AFF3: variants seen among roughly 807,000 people sequenced by gnomAD.
AFF3 encodes AF4/FMR2 family member 3.
AFF3 carries 32 observed loss-of-function variants against 129.7 expected under a neutral mutation model. That is an observed-to-expected ratio of 0.25 (90% CI 0.19 to 0.33). The LOEUF (loss-of-function observed/expected upper bound fraction) is 0.33. Ranked by LOEUF, AFF3 falls within the 10% of genes least tolerant of loss-of-function variation. AFF3 has a pLI of 1.00. For synonymous variants in AFF3, 644 were observed against 635.4 expected, an observed-to-expected ratio of 1.01 and a Z score of -0.20; for missense variants, 1,373 against 1,592.0, an observed-to-expected ratio of 0.86 and a Z score of 2.34.
chr2:99,781,354 A>T lies in AFF3; in HGVS notation c.922-29053T>A, dbSNP rs74685103. On this transcript the variant is annotated intron_variant, in intron 8 of 24. Transcript: ENST00000672756. ...TTCTTCTTAGCACTTATCACTGCCT[A>T]CCATTTATATATTTATTGGTTTATC... Among the ~76,000 whole-genome samples, 323 of 152,268 alleles carry T rather than the reference A, an allele frequency of 2.1e-3. 4 individuals are homozygous for T. In the East Asian group the frequency reaches 0.032, roughly 15 times the overall value.
chr2:99,789,125 G>A (rs569669959), intron 8 of AFF3, among the ~76,000 whole-genome samples: 4 of 152,244 alleles, frequency 2.6e-5, no homozygotes, highest in African/African-American at 9.6e-5. Flanking sequence ...TTCATACAAA[G>A]CTTGGCATTC....
At chr2:99,657,250 A>G (rs6725598) in intron 12 of AFF3, among the ~76,000 whole-genome samples, 9,060 of 152,186 alleles carry the variant, frequency 0.06, 885 homozygotes, top group African/African-American at 0.21. Flanking sequence ...CTCTCTGTCT[A>G]TCAGCTCCTC....
chr2:99,577,597 C>A (rs1034931983), intron 18 of AFF3, among the ~76,000 whole-genome samples: 1 of 152,208 alleles, frequency 6.6e-6, no homozygotes, highest in Non-Finnish European at 1.5e-5. Flanking sequence ...ATGTATTTGA[C>A]GCCCGTAGGA....
At chr2:100,037,540 ATATT>A (rs1174222206) in intron 4 of AFF3, among the ~76,000 whole-genome samples, 13 of 120 alleles carry the variant, frequency 0.11, no homozygotes, top group African/African-American at 0.21. Flanking sequence ...ATATAAATAT[ATATT>A]TATATTTTAT....
At chr2:99,927,378 C>T (rs1696326219) in intron 7 of AFF3, among the ~76,000 whole-genome samples, 1 of 152,126 alleles carries the variant, frequency 6.6e-6, no homozygotes, top group African/African-American at 2.4e-5. Flanking sequence ...ACATATACAC[C>T]ATGGGATACT....
At chr2:99,737,809 C>T (rs1680382278) in intron 10 of AFF3, among the ~76,000 whole-genome samples, 1 of 151,826 alleles carries the variant, frequency 6.6e-6, no homozygotes, top group Non-Finnish European at 1.5e-5. Context: ...ACTTTATCTC[C>T]ATGTCTCTTA....
chr2:99,579,965 A>C (rs1677371542), intron 17 of AFF3, among the ~76,000 whole-genome samples: 1 of 151,940 alleles, frequency 6.6e-6, no homozygotes, highest in Non-Finnish European at 1.5e-5. Flanking sequence ...TAGCACTGTA[A>C]GGGTTAGAGT....
At chr2:99,891,516 C>T (rs1428746106) in intron 7 of AFF3, among the ~76,000 whole-genome samples, 5 of 152,174 alleles carry the variant, frequency 3.3e-5, no homozygotes, top group Admixed American at 6.5e-5. Flanking sequence ...CTGCCCAGCC[C>T]GGCAGGATGC....
At chr2:99,922,647 C>T (rs1308844703) in intron 7 of AFF3, among the ~76,000 whole-genome samples, 1 of 152,180 alleles carries the variant, frequency 6.6e-6, no homozygotes, top group Non-Finnish European at 1.5e-5. Flanking sequence ...ATGCATTCAT[C>T]ACAACTGAGT....
intron 4 of AFF3, among the ~76,000 whole-genome samples, chr2:100,034,516 T>C (rs1212054996): frequency 6.6e-6 from 1 of 152,056 alleles, no homozygotes; most frequent in Non-Finnish European, 1.5e-5. Flanking sequence ...TGGAAGTCCA[T>C]AAAAACCTAA....
At chr2:99,809,652 C>T (rs72817100) in intron 8 of AFF3, among the ~76,000 whole-genome samples, 4,746 of 152,176 alleles carry the variant, frequency 0.031, 263 homozygotes, top group Admixed American at 0.14. Context: ...CATTTAGTGC[C>T]CATGGAGCAC....
At chr2:99,739,388 C>G (rs1009014619) in intron 10 of AFF3, among the ~76,000 whole-genome samples, 1 of 152,044 alleles carries the variant, frequency 6.6e-6, no homozygotes, top group Non-Finnish European at 1.5e-5. Context: ...TCTGATGGTG[C>G]TATTTTGGAT....
chr2:99,956,199 T>A lies in AFF3; in HGVS notation c.873+50433A>T, dbSNP rs377668240. On this transcript the variant is annotated intron_variant, in intron 7 of 24. Coordinates refer to ENST00000672756, the MANE Select transcript of AFF3 (RefSeq NM_001386135.1). ...AAGATACCCCTGGCACAAGCGACAA[T>A]AATATTACAGGGACATTAAATTAAG... Among the ~76,000 whole-genome samples the A allele has an allele frequency of 2.6e-5, 4 of 151,676 alleles. No individual in the cohort carries two copies. In the East Asian group the frequency reaches 7.8e-4, roughly 29 times the overall value.
At chr2:99,768,712 T>C (rs1219416531) in intron 8 of AFF3, among the ~76,000 whole-genome samples, 5 of 152,226 alleles carry the variant, frequency 3.3e-5, no homozygotes, top group Non-Finnish European at 1.5e-5. Context: ...CTTTTGTTTG[T>C]CTTAGAAAGT....
chr2:100,040,870 G>A (rs1193112133), intron 4 of AFF3, among the ~76,000 whole-genome samples: 2 of 152,220 alleles, frequency 1.3e-5, no homozygotes, highest in African/African-American at 4.8e-5. Flanking sequence ...ACCCTCCAAG[G>A]AGGCCACAGG....
At chr2:99,761,589 A>T (rs1325765116) in intron 8 of AFF3, among the ~76,000 whole-genome samples, 1 of 152,230 alleles carries the variant, frequency 6.6e-6, no homozygotes, top group East Asian at 1.9e-4. Context: ...ACCAAAGGAG[A>T]GAAGAAACAA....
rs10186050 is a variant in AFF3, at chr2:99,963,560, T to C, written c.873+43072A>G. On this transcript the variant is annotated intron_variant, in intron 7 of 24. Coordinates refer to ENST00000672756, the MANE Select transcript of AFF3 (RefSeq NM_001386135.1). ...AACACTGATAGTGGCTGTGATATGT[T>C]TTTTATGTGTATTATCATACCTAGA... 4.8e-3 allele frequency among the ~76,000 whole-genome samples: 730 copies of C among 152,150 alleles called. 4 individuals are homozygous for C. Among genetic ancestry groups the C allele is most frequent in the African/African-American group, 0.017 (698 of 41,550 alleles).
chr2:99,677,884 T>A (rs1259896931), intron 11 of AFF3, among the ~76,000 whole-genome samples: 1 of 152,124 alleles, frequency 6.6e-6, no homozygotes, highest in African/African-American at 2.4e-5. Context: ...AGTGGCCCAA[T>A]CATAGCTCAC....
chr2:99,792,215 C>G (rs941808939), intron 8 of AFF3, among the ~76,000 whole-genome samples: 6 of 152,112 alleles, frequency 3.9e-5, no homozygotes, highest in Non-Finnish European at 8.8e-5. Context: ...TTTTTCTAGA[C>G]ACTATTACAC....
Sources: gnomAD v4.1 joint callset for allele counts (sites outside exome capture counted in the v4.1 genomes callset) on GRCh38, gnomAD v4.1.1 for gene constraint, MANE v1.5 for transcripts, NCBI Gene and HGNC (gene_info 2026-07-23, HGNC 2026-07-21) for gene names.